Variants in NEB observed in about 807,000 individuals in gnomAD.
NEB encodes the protein nemaline myopathy type 2.
A neutral mutation model predicts 952.2 loss-of-function variants in NEB; 512 were observed. The observed-to-expected ratio is 0.54, with a 90% confidence interval of 0.50 to 0.58. The LOEUF (loss-of-function observed/expected upper bound fraction) is 0.58. Among genes scored for constraint, NEB ranks in the 20% least tolerant of loss-of-function variants. NEB has a pLI of 0.00. For synonymous variants in NEB, 2,900 were observed against 3,149.8 expected, an observed-to-expected ratio of 0.92 and a Z score of 2.66; for missense variants, 8,428 against 9,231.1, an observed-to-expected ratio of 0.91 and a Z score of 3.56.
At position 151,625,519 on chromosome 2, in the gene NEB, A is replaced by G; in HGVS notation, c.10452+15T>C. 1 of 1,549,528 alleles carries G rather than the reference A, an allele frequency of 6.5e-7. No homozygotes were observed. On this transcript the variant is annotated intron_variant, in intron 71 of 181. Transcript: ENST00000397345. ...CAATGTGGCCAGACCAAAGAAATAA[A>G]ACAAATGATCTTACCTCACTATAAT...
chr2:151,501,525 C>G (rs1295024659), intron 167 of NEB, 42 bp from the exon 168 acceptor site: 9 of 1,185,004 alleles, frequency 7.6e-6, no homozygotes, highest in Non-Finnish European at 1.0e-5. Flanking sequence ...CTGGACCCAT[C>G]ATTTTTTAGG....
At chr2:151,534,079 A>T in intron 142 of NEB, 1 of 669,122 alleles carries the variant, frequency 1.5e-6, no homozygotes, top group Non-Finnish European at 2.6e-6. Context: ...TTGGGTGGCT[A>T]GACAGATACT....
Position 151,679,762 on chromosome 2 carries a change from G to A in NEB, c.3214C>T (p.Pro1072Ser), listed in dbSNP as rs200783974. Residue 1072 changes from proline (P) to serine (S), a missense_variant, in exon 32 of 182, where the codon CCC becomes TCC. Physicochemically the swap from Pro to Ser is moderately conservative, Grantham distance 74. This residue lies in a region of NEB where 2,851 missense variants were observed against 2,791.5 expected (regional missense o/e 1.02). Transcript: ENST00000397345. ...KGYDLRTDAI[P>S]IRAAKAARQA... ...CTGGCAGCTTTGGCAGCTCTGATGG[G>A]AATCGCATCAGTTCTCAGGTCATAT... is the stretch of plus-strand genomic sequence containing the variant. 1 of 1,613,790 alleles carries A rather than the reference G, an allele frequency of 6.2e-7. No homozygotes were observed.
At chr2:151,492,976 A>G (rs2057734852) in intron 176 of NEB, 1 of 198,808 alleles carries the variant, frequency 5.0e-6, no homozygotes. Context: ...TCCATTTCAG[A>G]GTATTACCCA....
chr2:151,733,747 A>G lies in NEB; in HGVS notation c.-65T>C, dbSNP rs2099814409. 6.6e-6 allele frequency: 1 copy of G among 152,244 alleles called. No individual in the cohort carries two copies. The highest frequency in any genetic ancestry group is 2.1e-4 in the South Asian group (1 of 4,834). 9.4% of individuals were successfully genotyped at this position (152,244 alleles called of 1,614,324 possible). ...TGGGGTTATTTTCTTCCCGAACACC[A>G]TTGGCTTATACAGACTTTTTCTTTC... On this transcript the variant is annotated 5_prime_UTR_variant, in exon 2 of 182. The change abolishes an upstream ATG in the 5' untranslated region. Transcript: ENST00000397345.
Position 151,570,310 on chromosome 2 carries a change from C to G in NEB, c.17201G>C (p.Trp5734Ser), listed in dbSNP as rs2096579280. 1 of 1,610,886 alleles carries G rather than the reference C, an allele frequency of 6.2e-7. No homozygotes were observed. The highest frequency in any genetic ancestry group is 8.5e-7 in the Non-Finnish European group (1 of 1,177,614). ...LTARDDNKIR[W>S]ALIADKLQNE... The stretch of plus-strand genomic sequence containing the variant: ...CTGGAGCTTGTCAGCTATGAGGGCC[C>G]AGCGGATCTTGTTGTCATCCCTGGC... Residue 5734 changes from tryptophan (W) to serine (S), a missense_variant, in exon 109 of 182, where the codon TGG becomes TCG. By Grantham distance (177) the Trp-to-Ser change is radical. Coordinates refer to ENST00000397345, the MANE Select transcript of NEB (RefSeq NM_001164508.2).
intron 71 of NEB, 23 bp downstream of exon 71, chr2:151,625,511 A>T (rs768857594): frequency 3.1e-5 from 48 of 1,524,478 alleles, no homozygotes; most frequent in Non-Finnish European, 4.2e-5. Flanking sequence ...GCCAGACCAA[A>T]GAAATAAAAC....
At position 151,496,311 on chromosome 2, in the gene NEB, C is replaced by T. The variant is rs1385464726; in HGVS notation, c.24451G>A (p.Glu8151Lys). The T allele has an allele frequency of 1.2e-6, 2 of 1,612,138 alleles. No individual in the cohort carries two copies. Residue 8151 changes from glutamate (E) to lysine (K), a missense_variant, in exon 173 of 182, where the codon GAG (glutamate) becomes AAG (lysine). This residue lies in a region of NEB where 3,374 missense variants were observed against 3,651.5 expected (regional missense o/e 0.92). Transcript: ENST00000397345. ...GTPLAVTPEM[E>K]RVKHNQENIS... ...TTTTCTTGATTGTGTTTGACTCGCT[C>T]CATCTCGGGAGTGACAGCTAAAGGA...
chr2:151,625,954 T>C (rs907737550), intron 70 of NEB, among the ~76,000 whole-genome samples: 1 of 152,222 alleles, frequency 6.6e-6, no homozygotes, highest in African/African-American at 2.4e-5. Context: ...TTCTCAAGCA[T>C]ATATTCACAT....
chr2:151,731,997 G>C (rs2099810387), intron 3 of NEB, among the ~76,000 whole-genome samples: 1 of 152,036 alleles, frequency 6.6e-6, no homozygotes, highest in Non-Finnish European at 1.5e-5. Flanking sequence ...AGTAATAAAA[G>C]CTATTTTATT....
intron 38 of NEB, among the ~76,000 whole-genome samples, chr2:151,670,626 G>A (rs2099274517): frequency 6.6e-6 from 1 of 152,156 alleles, no homozygotes; most frequent in African/African-American, 2.4e-5. Context: ...ATTATGCGAG[G>A]GGATTAGGAC....
chr2:151,564,801 G>C (rs902399507), intron 117 of NEB, among the ~76,000 whole-genome samples: 1 of 152,146 alleles, frequency 6.6e-6, no homozygotes, highest in African/African-American at 2.4e-5. Context: ...GTCTCATTGA[G>C]CTTTAGCCCC....
chr2:151,575,845 G>T (rs1016192947), intron 106 of NEB, 46 bp from the exon 107 acceptor site: 12 of 1,289,356 alleles, frequency 9.3e-6, no homozygotes, highest in African/African-American at 2.9e-5. Context: ...CAATTTTCAT[G>T]TTGCTAGTCC....
intron 5 of NEB, 74 bp from the exon 6 acceptor site, chr2:151,725,634 T>TAA: frequency 2.5e-6 from 3 of 1,179,656 alleles, no homozygotes; most frequent in African/African-American, 1.5e-5. Flanking sequence ...CCCCATTTGA[T>TAA]AAAAAAAAAT....
At chr2:151,517,452 G>A (rs2078418330) in intron 156 of NEB, among the ~76,000 whole-genome samples, 1 of 152,190 alleles carries the variant, frequency 6.6e-6, no homozygotes, top group African/African-American at 2.4e-5. Flanking sequence ...AAATAATGCT[G>A]AATTTGTGAT....
Position 151,633,880 on chromosome 2 carries a change from G to A in NEB, c.9188C>T (p.Ser3063Phe). 6.2e-7 allele frequency: 1 copy of A among 1,613,986 alleles called. No individual in the cohort carries two copies. The highest frequency in any genetic ancestry group is 8.5e-7 in the Non-Finnish European group (1 of 1,179,874). ...ACTCTGGATCTTGGCTACGTGCATG[G>A]ACCACATCATCTTGGGGTCATCTTC... ...NIEDDPKMMW[S>F]MHVAKIQSDR... The change falls in exon 65 of 182, where the codon TCC becomes TTC. Residue 3063 changes from serine (S) to phenylalanine (F), a missense_variant. Physicochemically the swap from Ser to Phe is radical, Grantham distance 155. This residue lies in a region of NEB where 1,772 missense variants were observed against 1,960.3 expected (regional missense o/e 0.90). Coordinates refer to ENST00000397345, the MANE Select transcript of NEB (RefSeq NM_001164508.2).
intron 146 of NEB, among the ~76,000 whole-genome samples, chr2:151,528,111 T>G (rs901547338): frequency 4.6e-5 from 7 of 152,124 alleles, no homozygotes; most frequent in Non-Finnish European, 8.8e-5. Flanking sequence ...AAGGTGAGAC[T>G]TAGCAATTGG....
intron 54 of NEB, among the ~76,000 whole-genome samples, chr2:151,648,135 C>G (rs1239308273): frequency 2.6e-5 from 4 of 152,188 alleles, no homozygotes; most frequent in Admixed American, 1.3e-4. Flanking sequence ...TGCACACACA[C>G]ATACACACAT....
At chr2:151,632,478 C>T (rs2098688445) in intron 65 of NEB, among the ~76,000 whole-genome samples, 1 of 151,938 alleles carries the variant, frequency 6.6e-6, no homozygotes, top group Non-Finnish European at 1.5e-5. Flanking sequence ...GAGTTGGAGA[C>T]CAGCCTGGCC....
Sources: gnomAD v4.1 joint callset for allele counts (sites outside exome capture counted in the v4.1 genomes callset) on GRCh38, gnomAD v4.1.1 for gene constraint, gnomAD v4.1.1 regional missense constraint, MANE v1.5 for transcripts, NCBI Gene and HGNC (gene_info 2026-07-23, HGNC 2026-07-21) for gene names.